Variants in NRXN3 observed in about 807,000 individuals in gnomAD.
NRXN3 encodes neurexin III.
A neutral mutation model predicts 137.6 loss-of-function variants in NRXN3; 32 were observed. The observed-to-expected ratio is 0.23, with a 90% CI of 0.18 to 0.31. NRXN3 has a LOEUF of 0.31. NRXN3 is among the 10% of genes least tolerant of loss of function. The probability of loss-of-function intolerance (pLI) is 1.00; values close to 1 mark genes in which losing one functional copy is unlikely to be tolerated. For missense variants in NRXN3, 1,574 were observed against 2,062.5 expected (o/e 0.76, Z 4.59); for synonymous variants, 798 against 784.5 (o/e 1.02, Z -0.29).
At chr14:78,621,733 C>T (rs2097406593) in intron 4 of NRXN3, among the ~76,000 whole-genome samples, 1 of 152,128 alleles carries the variant, frequency 6.6e-6, no homozygotes, top group Non-Finnish European at 1.5e-5. Context: ...CCTAGATGCC[C>T]TATGTGTTTC....
intron 15 of NRXN3, among the ~76,000 whole-genome samples, chr14:79,301,235 T>G (rs2085083759): frequency 6.6e-6 from 1 of 152,038 alleles, no homozygotes; most frequent in Non-Finnish European, 1.5e-5. Flanking sequence ...CAAAAGACAA[T>G]CATGTGGACT....
intron 10 of NRXN3, among the ~76,000 whole-genome samples, chr14:78,918,142 G>T (rs1486946847): frequency 6.6e-6 from 1 of 151,350 alleles, no homozygotes; most frequent in African/African-American, 2.4e-5. Flanking sequence ...AAAATTAGCC[G>T]GGCGTGGTGG....
rs2099301917 is a variant in NRXN3 at position 78,926,870 on chromosome 14, ATAATAT to A, written c.2276-30371_2276-30366del. On this transcript the variant is annotated intron_variant, in intron 10 of 20. Transcript: ENST00000335750. ...AATATATTATATATATAATATATAT[ATAATAT>A]ATAATATATTTATATATATATATAA... Among the ~76,000 whole-genome samples, 2 of 26,420 alleles carry A rather than the reference ATAATAT, an allele frequency of 7.6e-5. 1 individual carries two copies. 17.3% of individuals were successfully genotyped at this position (26,420 alleles called of 152,430 possible). A position where few individuals can be genotyped will look rare whatever the true frequency, so the allele number is the denominator to read the frequency against.
chr14:79,357,494 G>A (rs2093467229), intron 15 of NRXN3, among the ~76,000 whole-genome samples: 1 of 152,088 alleles, frequency 6.6e-6, no homozygotes, highest in Non-Finnish European at 1.5e-5. Context: ...AGCACTGAAA[G>A]TTTCACTTCC....
In NRXN3 at chr14:78,738,147, T is replaced by C. The variant is rs190246807; in HGVS notation, c.2044+23008T>C. ...CACCAACTACAAGAGCTAATGCTTA[T>C]GGAGCACTTCCTAACTCCCTAAACA... On this transcript the variant is annotated intron_variant, in intron 8 of 20. Coordinates refer to ENST00000335750, the MANE Select transcript of NRXN3 (RefSeq NM_001330195.2). Among the ~76,000 whole-genome samples the C allele has an allele frequency of 9.1e-4, 138 of 152,372 alleles. 1 individual carries two copies. Among genetic ancestry groups the C allele is most frequent in the African/African-American group, 3.0e-3 (126 of 41,592 alleles).
chr14:79,666,885 A>G lies in NRXN3; in HGVS notation c.3616+2936A>G, dbSNP rs113392902. On this transcript the variant is annotated intron_variant, in intron 17 of 20. Coordinates refer to ENST00000335750, the MANE Select transcript of NRXN3 (RefSeq NM_001330195.2). ...CCATGAAGCAGCTGAAAGAATAGTG[A>G]GTATTTAAAGGAGCTATATCCCCTT... Among the ~76,000 whole-genome samples the G allele has an allele frequency of 2.6e-3, 400 of 152,120 alleles. 5 individuals are homozygous for G. The highest frequency in any genetic ancestry group is 8.6e-3 in the African/African-American group (356 of 41,526).
At chr14:78,590,716 C>T (rs1266032862) in intron 4 of NRXN3, among the ~76,000 whole-genome samples, 1 of 152,138 alleles carries the variant, frequency 6.6e-6, no homozygotes, top group Non-Finnish European at 1.5e-5. Flanking sequence ...GAGTTCAAGA[C>T]CATCCTGGCC....
chr14:79,406,690 C>T (rs1370557804), intron 15 of NRXN3, among the ~76,000 whole-genome samples: 1 of 152,046 alleles, frequency 6.6e-6, no homozygotes, highest in African/African-American at 2.4e-5. Context: ...TGGTTATTCA[C>T]TTCCAGGTCC....
At chr14:78,950,334 T>C (rs78557406) in intron 10 of NRXN3, among the ~76,000 whole-genome samples, 2,191 of 152,226 alleles carry the variant, frequency 0.014, 54 homozygotes, top group African/African-American at 0.05. Flanking sequence ...TGGCAATACA[T>C]TGGGGACAAT....
chr14:78,350,152 G>C (rs571859816), intron 4 of NRXN3, among the ~76,000 whole-genome samples: 35 of 152,090 alleles, frequency 2.3e-4, no homozygotes, highest in Non-Finnish European at 2.5e-4. Context: ...AGCTGAGCAT[G>C]GTGGTGCGTA....
chr14:78,390,831 G>C (rs2090653218), intron 4 of NRXN3, among the ~76,000 whole-genome samples: 1 of 152,112 alleles, frequency 6.6e-6, no homozygotes, highest in Admixed American at 6.5e-5. Flanking sequence ...GTGCAGGTTT[G>C]TTACATAGGT....
intron 19 of NRXN3, among the ~76,000 whole-genome samples, chr14:79,709,668 C>G (rs775869407): frequency 6.6e-6 from 1 of 151,998 alleles, no homozygotes; most frequent in Non-Finnish European, 1.5e-5. Context: ...CTTTCTCCTC[C>G]CGGATACTGA....
intron 15 of NRXN3, among the ~76,000 whole-genome samples, chr14:79,291,806 A>C (rs1476868840): frequency 1.3e-5 from 2 of 151,876 alleles, no homozygotes; most frequent in South Asian, 2.1e-4. Context: ...AAAAATTTCA[A>C]AGTGGTATTC....
chr14:79,853,974 ATTT>A lies in NRXN3; in HGVS notation c.4094-7360_4094-7358del, dbSNP rs759125669. 770 of 946,026 alleles carry A rather than the reference ATTT, an allele frequency of 8.1e-4. 1 individual carries two copies. Among genetic ancestry groups the A allele is most frequent in the Admixed American group, 2.3e-3 (37 of 16,014 alleles). The allele number at this position is 946,026 out of a possible 1,614,324, so 58.6% of individuals were successfully genotyped here. On this transcript the variant is annotated intron_variant, in intron 20 of 20. Coordinates refer to ENST00000335750, the MANE Select transcript of NRXN3 (RefSeq NM_001330195.2). ...AAAGTAAAAATTTGTTAAAGTGCAG[ATTT>A]TTTTTTTCTTTTTATGTTATGTGGT...
At chr14:78,253,313 ATAATGTATT>A (rs2068945968) in intron 2 of NRXN3, among the ~76,000 whole-genome samples, 1 of 152,178 alleles carries the variant, frequency 6.6e-6, no homozygotes, top group South Asian at 2.1e-4. Context: ...GACATTTATT[ATAATGTATT>A]ACTTTCTAGC....
Position 79,646,120 on chromosome 14 carries a change from G to A in NRXN3, c.3445-17658G>A, listed in dbSNP as rs981518470. On this transcript the variant is annotated intron_variant, in intron 16 of 20. Coordinates refer to ENST00000335750, the MANE Select transcript of NRXN3 (RefSeq NM_001330195.2). ...CCAGAGACAGCTGACAGGCAACTCT[G>A]CCTGAACAAGTAGCATCTCCAAAAT... 5.1e-5 allele frequency among the ~76,000 whole-genome samples: 7 copies of A among 135,952 alleles called. No homozygotes were observed. The East Asian group carries it at 1.4e-3, about 27-fold the overall frequency. 89.2% of individuals were successfully genotyped at this position (135,952 alleles called of 152,430 possible). A position where few individuals can be genotyped will look rare whatever the true frequency, so the allele number is the denominator to read the frequency against.
At chr14:79,035,449 C>T (rs922220096) in intron 15 of NRXN3, among the ~76,000 whole-genome samples, 2 of 151,898 alleles carry the variant, frequency 1.3e-5, no homozygotes, top group Admixed American at 6.6e-5. Context: ...CAGCCATTCA[C>T]GTGAAAAGAA....
intron 16 of NRXN3, among the ~76,000 whole-genome samples, chr14:79,611,998 C>A (rs2098109261): frequency 1.3e-5 from 2 of 152,116 alleles, no homozygotes; most frequent in South Asian, 4.1e-4. Context: ...TATAGCAAAT[C>A]AAACTAAGCT....
chr14:78,319,966 C>T (rs1451442920), intron 4 of NRXN3, among the ~76,000 whole-genome samples: 1 of 152,166 alleles, frequency 6.6e-6, no homozygotes, highest in East Asian at 1.9e-4. Flanking sequence ...AAGAAAAAAG[C>T]TTGGGACTGC....
Sources: gnomAD v4.1 joint callset for allele counts (sites outside exome capture counted in the v4.1 genomes callset) on GRCh38, gnomAD v4.1.1 for gene constraint, MANE v1.5 for transcripts, NCBI Gene and HGNC (gene_info 2026-07-23, HGNC 2026-07-21) for gene names.